FBXO10: variants seen among roughly 807,000 people sequenced by gnomAD.
FBXO10 encodes the protein F-box only protein 10.
FBXO10 carries 39 observed loss-of-function variants against 80.7 expected under a neutral mutation model. The observed-to-expected ratio is 0.48, with a 90% CI of 0.37 to 0.63. FBXO10 has a LOEUF of 0.63. FBXO10 is among the 30% of genes least tolerant of loss of function. FBXO10 has a pLI of 0.00. For missense variants in FBXO10, 1,025 were observed against 1,269.0 expected (o/e 0.81, Z 2.92); for synonymous variants, 449 against 489.6 (o/e 0.92, Z 1.09).
In FBXO10 at chr9:37,516,131, CTGAG is replaced by C. The variant is rs757764468; in HGVS notation, c.2515-50_2515-47del. 3.8e-6 allele frequency: 6 copies of C among 1,581,466 alleles called. No homozygotes were observed. The South Asian group carries it at 6.9e-5, about 18-fold the overall frequency. On this transcript the variant is annotated intron_variant, in intron 9 of 10. Transcript: ENST00000432825. ...TTGTCACACCTCAGGGATTCACAGA[CTGAG>C]TGGGAGAGCTGGGCAAGTGAATTAT...
At chr9:37,522,244 C>A in intron 7 of FBXO10, 1 of 654,466 alleles carries the variant, frequency 1.5e-6, no homozygotes, top group Non-Finnish European at 1.9e-6. Flanking sequence ...CTCTGTCCCT[C>A]AGTTTTCTCA....
chr9:37,564,501 C>T (rs1391864014), intron 1 of FBXO10, among the ~76,000 whole-genome samples: 1 of 152,116 alleles, frequency 6.6e-6, no homozygotes, highest in Non-Finnish European at 1.5e-5. Context: ...CAACACCAGC[C>T]TGTGAAAGCA....
At chr9:37,548,781 C>T (rs1284451489) in intron 1 of FBXO10, among the ~76,000 whole-genome samples, 5 of 152,030 alleles carry the variant, frequency 3.3e-5, no homozygotes, top group Non-Finnish European at 7.4e-5. Flanking sequence ...CGGAGTCTCC[C>T]TCTGTTGCCC....
chr9:37,572,329 T>C (rs1448708010), intron 1 of FBXO10, among the ~76,000 whole-genome samples: 1 of 152,166 alleles, frequency 6.6e-6, no homozygotes, highest in African/African-American at 2.4e-5. Flanking sequence ...AGTAAAGCAA[T>C]TGTACTCTAA....
In FBXO10 at chr9:37,519,200, T is replaced by C. The variant is rs1306206417; in HGVS notation, c.2201-762A>G. On this transcript the variant is annotated intron_variant, in intron 8 of 10. Coordinates refer to ENST00000432825, the MANE Select transcript of FBXO10 (RefSeq NM_012166.3). ...CTGGGATTACAGGCGTGAGCCACCA[T>C]GCCTGGCCGGAAATTTTCTTCTTAA... 5.3e-5 allele frequency among the ~76,000 whole-genome samples: 8 copies of C among 152,336 alleles called. No homozygotes were observed. The East Asian group carries it at 9.6e-4, about 18-fold the overall frequency.
Position 37,522,850 on chromosome 9 carries a change from G to T in FBXO10, c.1905C>A (p.Gly635=). Residue 635 remains glycine, a synonymous_variant, in exon 7 of 11, where the codon GGC becomes GGA. Coordinates refer to ENST00000432825, the MANE Select transcript of FBXO10 (RefSeq NM_012166.3). The part of the protein sequence containing the change: ...DGVVVGDEGK[G]LIEGNTIYAN... ...CGTAGATGGTATTTCCTTCTATGAG[G>T]CCTTTGCCTTCGTCTCCCACAACCA... is the stretch of plus-strand genomic sequence containing the variant. 1 of 1,552,714 alleles carries T rather than the reference G, an allele frequency of 6.4e-7. No individual in the cohort carries two copies. Among genetic ancestry groups the T allele is most frequent in the Non-Finnish European group, 8.7e-7 (1 of 1,147,518 alleles).
At chr9:37,558,669 A>G (rs1471869545) in intron 1 of FBXO10, among the ~76,000 whole-genome samples, 1 of 152,158 alleles carries the variant, frequency 6.6e-6, no homozygotes, top group Non-Finnish European at 1.5e-5. Context: ...AGCCCCCATC[A>G]TGCCCCCACC....
At position 37,537,750 on chromosome 9, in the gene FBXO10, C is replaced by T; in HGVS notation, c.779G>A (p.Gly260Asp). The stretch of plus-strand genomic sequence containing the variant: ...CCAGTTCTTATCTGCAGATGGGTGA[C>T]CCTCAACAGTCACAGAGTTGTTTTC... ...GSENNSVTVEGHPSADKNWAY... is the reference protein window; with the variant it reads ...GSENNSVTVEDHPSADKNWAY... The change falls in exon 3 of 11, where the codon GGT becomes GAT. Residue 260 changes from glycine to aspartate, a missense_variant. By Grantham distance (94) the Gly-to-Asp change is moderately conservative. Around this residue, in one of 3 missense-constraint regions of FBXO10, gnomAD observed 450 missense variants for 499.4 expected, o/e 0.90. Coordinates refer to ENST00000432825, the MANE Select transcript of FBXO10 (RefSeq NM_012166.3). The T allele has an allele frequency of 6.2e-7, 1 of 1,614,004 alleles. No homozygotes were observed. The highest frequency in any genetic ancestry group is 1.1e-5 in the South Asian group (1 of 91,080).
At chr9:37,535,380 GCT>G (rs1307366274) in intron 3 of FBXO10, among the ~76,000 whole-genome samples, 1 of 150,314 alleles carries the variant, frequency 6.7e-6, no homozygotes, top group Non-Finnish European at 1.5e-5. Context: ...ACGGAGTCTT[GCT>G]CTGTCACCCA....
At chr9:37,545,501 G>T (rs1822035367) in intron 1 of FBXO10, among the ~76,000 whole-genome samples, 1 of 152,130 alleles carries the variant, frequency 6.6e-6, no homozygotes, top group African/African-American at 2.4e-5. Flanking sequence ...AGAGAAAATT[G>T]TTCTTCTACT....
intron 5 of FBXO10, among the ~76,000 whole-genome samples, chr9:37,525,561 AT>A (rs11428862): frequency 0.031 from 4,613 of 148,456 alleles, 228 homozygotes; most frequent in African/African-American, 0.1. Context: ...ATATATATAC[AT>A]TTTTTTTTTT....
intron 10 of FBXO10, among the ~76,000 whole-genome samples, chr9:37,514,117 A>G (rs746228789): frequency 1.5e-4 from 23 of 152,204 alleles, no homozygotes; most frequent in Non-Finnish European, 3.1e-4. Context: ...TATTTTTATG[A>G]TAATGATGTT....
chr9:37,563,335 C>T (rs1822527774), intron 1 of FBXO10, among the ~76,000 whole-genome samples: 1 of 152,114 alleles, frequency 6.6e-6, no homozygotes, highest in Non-Finnish European at 1.5e-5. Flanking sequence ...ATTGGTACTA[C>T]AGAGAGTGGG....
At chr9:37,522,050 G>C (rs896549390) in intron 7 of FBXO10, 3 of 593,972 alleles carry the variant, frequency 5.1e-6, no homozygotes, top group Admixed American at 6.6e-5. Context: ...AGCTCGGCTC[G>C]TTCCACACAG....
intron 3 of FBXO10, among the ~76,000 whole-genome samples, chr9:37,535,345 C>CT (rs200212336): frequency 4.1e-5 from 6 of 147,860 alleles, no homozygotes; most frequent in Non-Finnish European, 8.9e-5. Flanking sequence ...GGTGACACTT[C>CT]TTTTTTTTTA....
Position 37,525,535 on chromosome 9 carries a change from A to G in FBXO10, c.1707-363T>C, listed in dbSNP as rs180970986. 5.8e-4 allele frequency among the ~76,000 whole-genome samples: 89 copies of G among 152,238 alleles called. No individual in the cohort carries two copies. In the Middle Eastern group the frequency reaches 0.048, roughly 81 times the overall value. ...GTAGCCTCACTTGACTGTCATCTAC[A>G]TATATACCCATGCATATATATATAC... is the stretch of plus-strand genomic sequence containing the variant. On this transcript the variant is annotated intron_variant, in intron 5 of 10. Coordinates refer to ENST00000432825, the MANE Select transcript of FBXO10 (RefSeq NM_012166.3).
chr9:37,523,655 C>T (rs138912926), intron 6 of FBXO10, among the ~76,000 whole-genome samples: 4,094 of 152,326 alleles, frequency 0.027, 71 homozygotes, highest in Middle Eastern at 0.071. Context: ...GGTGCGGTGG[C>T]TCACGCCTGT....
chr9:37,570,494 A>T (rs1822723813), intron 1 of FBXO10, among the ~76,000 whole-genome samples: 1 of 152,170 alleles, frequency 6.6e-6, no homozygotes, highest in Non-Finnish European at 1.5e-5. Flanking sequence ...AATAAATCCA[A>T]GGAAAATAGA....
rs1467456446 is a variant in FBXO10, at chr9:37,512,713, G to A, written c.2705C>T (p.Thr902Met). Residue 902 changes from threonine (T) to methionine (M), a missense_variant, in exon 11 of 11, where the codon ACG becomes ATG. Around this residue, in one of 3 missense-constraint regions of FBXO10, gnomAD observed 97 missense variants for 101.8 expected, o/e 0.95. Coordinates refer to ENST00000432825, the MANE Select transcript of FBXO10 (RefSeq NM_012166.3). Reference sequence around the variant, plus strand: ...TGCTGGTGGGTTCACCAGGCGCCACGTATCAGACCTGGAGGTGCAAAACGA... The same window carrying A: ...TGCTGGTGGGTTCACCAGGCGCCACATATCAGACCTGGAGGTGCAAAACGA... ...KFLVFKKKSD[T>M]WRLVNPPARP... 5.0e-6 allele frequency: 8 copies of A among 1,613,370 alleles called. No homozygotes were observed. Among genetic ancestry groups the A allele is most frequent in the East Asian group, 4.5e-5 (2 of 44,894 alleles).
Sources: allele counts gnomAD v4.1 joint callset (sites outside exome capture counted in the v4.1 genomes callset), GRCh38; gene constraint gnomAD v4.1.1; regional missense constraint gnomAD v4.1.1; transcripts MANE v1.5; gene names NCBI Gene and HGNC (gene_info 2026-07-23, HGNC 2026-07-21).